The following PDE12 variants were observed in gnomAD, a reference collection of about 807,000 sequenced individuals.
PDE12 encodes the protein 2',5'-phosphodiesterase 12.
PDE12 carries 26 observed loss-of-function variants against 45.4 expected under a neutral mutation model. That is an observed-to-expected ratio of 0.57 (90% CI 0.42 to 0.79). The LOEUF is 0.79. PDE12 is among the 30% of genes least tolerant of loss of function. The probability of loss-of-function intolerance (pLI) is 0.00; values close to 1 mark genes in which losing one functional copy is unlikely to be tolerated. For missense variants in PDE12, 668 were observed against 790.0 expected (o/e 0.85, Z 1.85); for synonymous variants, 283 against 323.9 (o/e 0.87, Z 1.36).
At chr3:57,612,367 G>A in the PDE12 span, among the ~76,000 whole-genome samples, 1 of 152,130 alleles carries the variant, frequency 6.6e-6, no homozygotes, top group Non-Finnish European at 1.5e-5. Context: ...TTGTACACAT[G>A]TACCCTAGAA....
the PDE12 span, among the ~76,000 whole-genome samples, chr3:57,611,522 TAAAC>T: frequency 1.3e-4 from 19 of 151,970 alleles, no homozygotes; most frequent in South Asian, 1.0e-3. Context: ...ACAAAGAACT[TAAAC>T]AAACTTAACA....
chr3:57,618,574 AC>A, the PDE12 span, among the ~76,000 whole-genome samples: 4 of 145,528 alleles, frequency 2.7e-5, no homozygotes, highest in African/African-American at 1.0e-4. Flanking sequence ...GGCATGAACC[AC>A]CATGATCTGC....
the PDE12 span, chr3:57,597,578 G>A: frequency 6.3e-6 from 1 of 159,892 alleles, no homozygotes; most frequent in Non-Finnish European, 1.4e-5. Context: ...GTGGCCCCAG[G>A]AGCCGGGAGA....
At chr3:57,595,254 C>A in the PDE12 span, among the ~76,000 whole-genome samples, 1 of 152,140 alleles carries the variant, frequency 6.6e-6, no homozygotes, top group Non-Finnish European at 1.5e-5. Context: ...AATAGCAATT[C>A]ATTTACAATA....
At chr3:57,586,978 C>T in the PDE12 span, among the ~76,000 whole-genome samples, 2 of 152,000 alleles carry the variant, frequency 1.3e-5, no homozygotes, top group Non-Finnish European at 2.9e-5. Context: ...ACTATGGTAC[C>T]TGCCAGTTAT....
chr3:57,572,305 A>AG, the PDE12 span: 3 of 1,599,334 alleles, frequency 1.9e-6, no homozygotes, highest in African/African-American at 4.0e-5. Flanking sequence ...ACCACTGTAA[A>AG]GAGAAGACAA....
chr3:57,584,363 G>C, the PDE12 span: 208 of 1,551,634 alleles, frequency 1.3e-4, no homozygotes, highest in Non-Finnish European at 1.7e-4. Context: ...ATGATATAAA[G>C]TCATCTGTAA....
At chr3:57,640,718 C>T in the PDE12 span, among the ~76,000 whole-genome samples, 17 of 152,000 alleles carry the variant, frequency 1.1e-4, no homozygotes, top group Non-Finnish European at 1.5e-4. Flanking sequence ...GTCAGTAGTC[C>T]GCTACATTAC....
At chr3:57,596,893 G>C in the PDE12 span, 1 of 619,946 alleles carries the variant, frequency 1.6e-6, no homozygotes, top group East Asian at 2.9e-5. Flanking sequence ...GACAGATCGG[G>C]GGCGGGGGGG....
At position 57,561,737 on chromosome 3, in the gene PDE12, G is replaced by T. The variant is rs948074528; in HGVS notation, c.*1733G>T. 4.1e-6 allele frequency: 4 copies of T among 984,676 alleles called. No homozygotes were observed. The highest frequency in any genetic ancestry group is 5.2e-4 in the Middle Eastern group (1 of 1,936). 61.0% of individuals were successfully genotyped at this position (984,676 alleles called of 1,614,324 possible). ...TCAAATTCTTTAATCTCTGAACCTA[G>T]TATCATAAGAATTTCCTCTTTTGAT... On this transcript the variant is annotated 3_prime_UTR_variant, in exon 3 of 3. Coordinates refer to ENST00000311180, the MANE Select transcript of PDE12 (RefSeq NM_177966.7).
the PDE12 span, among the ~76,000 whole-genome samples, chr3:57,654,233 G>A: frequency 6.6e-6 from 1 of 152,008 alleles, no homozygotes. Context: ...GGGATTACAG[G>A]TGTGAGCCAC....
At chr3:57,581,641 A>T in the PDE12 span, among the ~76,000 whole-genome samples, 3 of 152,190 alleles carry the variant, frequency 2.0e-5, no homozygotes, top group Admixed American at 2.0e-4. Context: ...TCTCTACTAA[A>T]AATACAAAAT....
the PDE12 span, among the ~76,000 whole-genome samples, chr3:57,603,926 ATT>A: frequency 8.0e-5 from 10 of 125,468 alleles, no homozygotes; most frequent in Admixed American, 1.6e-4. Flanking sequence ...CCAGCCCAGA[ATT>A]TTTTTTTTTT....
the PDE12 span, chr3:57,596,661 A>G: frequency 5.4e-6 from 1 of 186,236 alleles, no homozygotes; most frequent in Non-Finnish European, 1.1e-5. Flanking sequence ...AGGGGAGGGA[A>G]AAGGCTGGAG....
chr3:57,624,413 G>C, the PDE12 span, among the ~76,000 whole-genome samples: 14 of 152,154 alleles, frequency 9.2e-5, no homozygotes, highest in Admixed American at 1.3e-4. Flanking sequence ...GCCTCCCAAA[G>C]TGCTGGGATT....
chr3:57,629,810 C>CT, the PDE12 span, among the ~76,000 whole-genome samples: 1 of 152,056 alleles, frequency 6.6e-6, no homozygotes, highest in Non-Finnish European at 1.5e-5. Flanking sequence ...GCGTGAGCCA[C>CT]TGCACCCGGC....
In PDE12 at chr3:57,561,753, C is replaced by G. The variant is rs2069731451; in HGVS notation, c.*1749C>G. 4.1e-6 allele frequency: 4 copies of G among 984,074 alleles called. No homozygotes were observed. In the South Asian group the frequency reaches 1.9e-4, roughly 46 times the overall value. 61.0% of individuals were successfully genotyped at this position (984,074 alleles called of 1,614,324 possible). ...CTGAACCTAGTATCATAAGAATTTC[C>G]TCTTTTGATAACATCTGTACTTTCA... is the stretch of plus-strand genomic sequence containing the variant. On this transcript the variant is annotated 3_prime_UTR_variant, in exon 3 of 3. Coordinates refer to ENST00000311180, the MANE Select transcript of PDE12 (RefSeq NM_177966.7).
At chr3:57,575,792 G>A in the PDE12 span, 101 of 1,131,036 alleles carry the variant, frequency 8.9e-5, no homozygotes, top group Non-Finnish European at 1.1e-4. Flanking sequence ...CTAATTTCTC[G>A]ACACAAAGTT....
the PDE12 span, among the ~76,000 whole-genome samples, chr3:57,581,517 T>C: frequency 6.6e-6 from 1 of 152,214 alleles, no homozygotes; most frequent in South Asian, 2.1e-4. Context: ...TCAAAATATA[T>C]TGGCCAAGCG....
Sources: gnomAD v4.1 joint callset for allele counts (sites outside exome capture counted in the v4.1 genomes callset) on GRCh38, gnomAD v4.1.1 for gene constraint, MANE v1.5 for transcripts, NCBI Gene and HGNC (gene_info 2026-07-23, HGNC 2026-07-21) for gene names.